Variants in DAB1 observed in about 807,000 individuals in gnomAD.
DAB1 encodes the protein DAB adaptor protein 1.
A neutral mutation model predicts 64.6 loss-of-function variants in DAB1; 15 were observed. The observed-to-expected ratio is 0.23, with a 90% CI of 0.16 to 0.36. The LOEUF is 0.36. Ranked by LOEUF, DAB1 falls within the 10% of genes least tolerant of loss-of-function variation. The pLI is 1.00. For missense variants in DAB1, 596 were observed against 706.7 expected (o/e 0.84, Z 1.78); for synonymous variants, 235 against 251.9 (o/e 0.93, Z 0.64).
chr1:57,546,066 AGTGTGTGTGTGT>A (rs61208960), intron 7 of DAB1, among the ~76,000 whole-genome samples: 2 of 147,370 alleles, frequency 1.4e-5, no homozygotes, highest in Non-Finnish European at 3.0e-5. Context: ...AGCAGAGGGG[AGTGTGTGTGTGT>A]GTGTGTGTGT....
At chr1:57,032,149 G>A (rs2100427781) in intron 9 of DAB1, among the ~76,000 whole-genome samples, 1 of 152,204 alleles carries the variant, frequency 6.6e-6, no homozygotes, top group African/African-American at 2.4e-5. Context: ...AAATTCTGAA[G>A]GCACCATTGA....
At chr1:58,210,967 G>A (rs772288850) in intron 4 of DAB1, among the ~76,000 whole-genome samples, 10 of 152,158 alleles carry the variant, frequency 6.6e-5, no homozygotes, top group Non-Finnish European at 1.3e-4. Flanking sequence ...ACAAGGCAAA[G>A]TTGGGGGAAG....
intron 6 of DAB1, among the ~76,000 whole-genome samples, chr1:57,683,289 C>A (rs147718466): frequency 4.6e-5 from 7 of 152,208 alleles, no homozygotes; most frequent in Non-Finnish European, 8.8e-5. Flanking sequence ...CGAGCGAGCC[C>A]CACAACCTGG....
chr1:57,347,731 T>C (rs1017618054), intron 1 of DAB1, among the ~76,000 whole-genome samples: 1 of 152,218 alleles, frequency 6.6e-6, no homozygotes, highest in Admixed American at 6.5e-5. Flanking sequence ...AAGACTGAAA[T>C]GGCATAGCTA....
chr1:58,367,218 C>A (rs1436847816), intron 3 of DAB1, among the ~76,000 whole-genome samples: 3 of 152,170 alleles, frequency 2.0e-5, no homozygotes, highest in African/African-American at 7.2e-5. Flanking sequence ...CAGGCCTGTT[C>A]AAGAGTGGGT....
chr1:58,441,606 G>A (rs538388388), intron 3 of DAB1, among the ~76,000 whole-genome samples: 43 of 152,240 alleles, frequency 2.8e-4, no homozygotes, highest in Admixed American at 9.8e-4. Flanking sequence ...GATTTCCTCA[G>A]TTATAAAAGA....
chr1:58,150,941 T>C (rs12025951), intron 4 of DAB1, among the ~76,000 whole-genome samples: 2,501 of 151,958 alleles, frequency 0.016, 61 homozygotes, highest in South Asian at 0.1. Context: ...GAACATGCGG[T>C]ATTTGGTTTT....
At chr1:57,177,856 A>G (rs557130277) in intron 2 of DAB1, among the ~76,000 whole-genome samples, 1 of 152,272 alleles carries the variant, frequency 6.6e-6, no homozygotes, top group Admixed American at 6.5e-5. Flanking sequence ...CAGAGTCTAT[A>G]CTCTTCTAAA....
At chr1:58,450,198 T>C (rs1453141012) in intron 3 of DAB1, among the ~76,000 whole-genome samples, 3 of 152,178 alleles carry the variant, frequency 2.0e-5, no homozygotes, top group African/African-American at 7.2e-5. Flanking sequence ...TGATAGTGGG[T>C]GAATCTGCCA....
At chr1:58,297,285 T>A (rs939888035) in intron 4 of DAB1, among the ~76,000 whole-genome samples, 15 of 152,140 alleles carry the variant, frequency 9.9e-5, no homozygotes, top group Non-Finnish European at 2.1e-4. Flanking sequence ...AGATGAGTAT[T>A]TTAAATGACC....
In DAB1 at chr1:57,521,930, C is replaced by T. The variant is rs1301529517; in HGVS notation, n.625+127662G>A. ...TTCGAGACCATCCTGGCCAACATGG[C>T]GAAACCCCGTCTCTAGTAAAAATAT... On this transcript the variant is annotated intron_variant and non_coding_transcript_variant, in intron 7 of 20. Transcript: ENST00000485760. Among the ~76,000 whole-genome samples the T allele has an allele frequency of 3.9e-5, 6 of 151,916 alleles. No homozygotes were observed. In the East Asian group the frequency reaches 5.8e-4, roughly 15 times the overall value.
chr1:58,035,324 C>T (rs141861789), intron 5 of DAB1, among the ~76,000 whole-genome samples: 17 of 152,324 alleles, frequency 1.1e-4, no homozygotes, highest in Admixed American at 6.5e-4. Context: ...CCCTTAATTG[C>T]GGAATCACAA....
At chr1:57,416,801 A>G (rs1684526108) in intron 1 of DAB1, among the ~76,000 whole-genome samples, 2 of 152,184 alleles carry the variant, frequency 1.3e-5, no homozygotes, top group South Asian at 2.1e-4. Flanking sequence ...TTGAGCATCT[A>G]CTACATTCCA....
At chr1:57,950,676 T>C (rs1190673637) in intron 5 of DAB1, among the ~76,000 whole-genome samples, 2 of 152,330 alleles carry the variant, frequency 1.3e-5, no homozygotes, top group East Asian at 3.9e-4. Flanking sequence ...TTCTATTCCC[T>C]CTGCCTGGAA....
At chr1:58,139,031 T>A (rs887251528) in intron 5 of DAB1, among the ~76,000 whole-genome samples, 3 of 152,178 alleles carry the variant, frequency 2.0e-5, no homozygotes, top group African/African-American at 7.2e-5. Flanking sequence ...AACTCCACCA[T>A]CAAGGTGTGT....
intron 1 of DAB1, among the ~76,000 whole-genome samples, chr1:57,327,220 C>T (rs113571382): frequency 3.0e-4 from 45 of 152,066 alleles, no homozygotes; most frequent in African/African-American, 1.0e-3. Context: ...GGATTGCAGG[C>T]GTGAGCTACA....
intron 6 of DAB1, among the ~76,000 whole-genome samples, chr1:57,764,506 T>C (rs1649223592): frequency 6.6e-6 from 1 of 152,178 alleles, no homozygotes; most frequent in African/African-American, 2.4e-5. Flanking sequence ...ATGATGAATA[T>C]AGGAACACTG....
intron 6 of DAB1, among the ~76,000 whole-genome samples, chr1:57,781,247 T>C (rs1039896756): frequency 2.0e-5 from 3 of 149,772 alleles, no homozygotes; most frequent in Admixed American, 1.3e-4. Flanking sequence ...GCTGAATAGT[T>C]TCCTATCACA....
intron 2 of DAB1, among the ~76,000 whole-genome samples, chr1:57,263,675 T>C (rs1670369726): frequency 6.6e-6 from 1 of 152,134 alleles, no homozygotes; most frequent in Non-Finnish European, 1.5e-5. Flanking sequence ...AAAGGCAAAG[T>C]ACCTGAAAAA....
Sources: gnomAD v4.1 joint callset for allele counts (sites outside exome capture counted in the v4.1 genomes callset) on GRCh38, gnomAD v4.1.1 for gene constraint, MANE v1.5 for transcripts, NCBI Gene and HGNC (gene_info 2026-07-23, HGNC 2026-07-21) for gene names.